Variants in MEGF10 observed in about 807,000 individuals in gnomAD.
MEGF10 encodes the protein multiple epidermal growth factor-like domains protein 10.
MEGF10 carries 86 observed loss-of-function variants against 147.5 expected under a neutral mutation model. That is an observed-to-expected ratio of 0.58 (90% confidence interval 0.49 to 0.70). The LOEUF (loss-of-function observed/expected upper bound fraction) is 0.70, where lower values mean the gene tolerates loss of function less well. Among genes scored for constraint, MEGF10 ranks in the 30% least tolerant of loss-of-function variants. The probability of loss-of-function intolerance (pLI) is 0.00; values close to 1 mark genes in which losing one functional copy is unlikely to be tolerated. For synonymous variants in MEGF10, 478 were observed against 525.5 expected (o/e 0.91, Z 1.24); for missense variants, 1,329 against 1,487.3 (o/e 0.89, Z 1.75).
intron 2 of MEGF10, among the ~76,000 whole-genome samples, chr5:127,338,091 A>G (rs1262167400): frequency 6.6e-6 from 1 of 152,102 alleles, no homozygotes; most frequent in Non-Finnish European, 1.5e-5. Context: ...AGCTTTTCAA[A>G]TGAGAAGGTT....
chr5:127,239,838 A>C, the MEGF10 span, among the ~76,000 whole-genome samples: 3 of 152,066 alleles, frequency 2.0e-5, no homozygotes, highest in Non-Finnish European at 2.9e-5. Flanking sequence ...ACTCTCAATA[A>C]ATGTTTGATG....
chr5:127,437,373 A>G (rs1477226422), intron 16 of MEGF10, among the ~76,000 whole-genome samples: 3 of 152,184 alleles, frequency 2.0e-5, no homozygotes, highest in Non-Finnish European at 4.4e-5. Context: ...TGCTCACTCG[A>G]GACCTCAAGT....
At chr5:127,391,087 TGCGCGCGCGCGC>T (rs139002719) in intron 5 of MEGF10, among the ~76,000 whole-genome samples, 2 of 131,904 alleles carry the variant, frequency 1.5e-5, no homozygotes, top group Non-Finnish European at 3.2e-5. Flanking sequence ...CATACACACA[TGCGCGCGCGCGC>T]GCGCACACAC....
chr5:127,437,983 G>GT (rs971117078), intron 16 of MEGF10, among the ~76,000 whole-genome samples: 3 of 152,136 alleles, frequency 2.0e-5, no homozygotes, highest in African/African-American at 7.2e-5. Context: ...TCCTCCTTAT[G>GT]TTTTTTCATA....
the MEGF10 span, among the ~76,000 whole-genome samples, chr5:127,250,695 C>T: frequency 6.6e-6 from 1 of 151,926 alleles, no homozygotes; most frequent in South Asian, 2.1e-4. Context: ...AAAAGAATAA[C>T]ATGACACATA....
intron 9 of MEGF10, 149 bp downstream of exon 9, chr5:127,410,750 G>C: frequency 1.4e-6 from 1 of 691,984 alleles, no homozygotes; most frequent in Non-Finnish European, 2.4e-6. Context: ...CCGAGTAAAA[G>C]GAAGACATTT....
intron 5 of MEGF10, among the ~76,000 whole-genome samples, chr5:127,391,522 A>G (rs558789888): frequency 3.3e-5 from 5 of 151,450 alleles, no homozygotes; most frequent in African/African-American, 4.9e-5. Context: ...GAGAGTCAAG[A>G]TCGCACCACT....
intron 1 of MEGF10, among the ~76,000 whole-genome samples, chr5:127,310,941 A>G (rs1760262208): frequency 6.6e-6 from 1 of 152,178 alleles, no homozygotes; most frequent in African/African-American, 2.4e-5. Flanking sequence ...TCAGGCTGGA[A>G]AGATTGCTGA....
At chr5:127,435,723 T>C (rs1203021230) in intron 16 of MEGF10, among the ~76,000 whole-genome samples, 2 of 152,144 alleles carry the variant, frequency 1.3e-5, no homozygotes, top group Non-Finnish European at 2.9e-5. Context: ...CCTAAATATG[T>C]AACATTTTCC....
At chr5:127,319,130 C>A (rs1055010314) in intron 1 of MEGF10, among the ~76,000 whole-genome samples, 1 of 147,740 alleles carries the variant, frequency 6.8e-6, no homozygotes, top group African/African-American at 2.5e-5. Flanking sequence ...GGCTGGAGTG[C>A]AGTGGTATGA....
chr5:127,410,277 A>G, intron 8 of MEGF10, 112 bp from the exon 9 acceptor site: 1 of 954,722 alleles, frequency 1.0e-6, no homozygotes, highest in South Asian at 1.5e-5. Flanking sequence ...AAATAATTGC[A>G]AGAGCAAAAA....
chr5:127,404,219 G>T (rs913396545), intron 8 of MEGF10, among the ~76,000 whole-genome samples: 1 of 151,688 alleles, frequency 6.6e-6, no homozygotes, highest in African/African-American at 2.4e-5. Flanking sequence ...ATGATCAATT[G>T]TGTTGAGCAC....
At chr5:127,438,327 T>G (rs923198212) in intron 16 of MEGF10, 112 bp from the exon 17 acceptor site, 15 of 1,214,482 alleles carry the variant, frequency 1.2e-5, no homozygotes, top group Non-Finnish European at 1.7e-5. Context: ...TTAGTCCTGA[T>G]GTACACTGCT....
the MEGF10 span, among the ~76,000 whole-genome samples, chr5:127,282,992 T>G: frequency 6.6e-6 from 1 of 152,192 alleles, no homozygotes; most frequent in African/African-American, 2.4e-5. Context: ...GATTTTTTTT[T>G]CCCCAGTCCT....
chr5:127,347,209 A>G (rs1055191114), intron 4 of MEGF10, among the ~76,000 whole-genome samples: 9 of 152,064 alleles, frequency 5.9e-5, no homozygotes, highest in South Asian at 2.1e-4. Context: ...TAGTTGTAAT[A>G]TATGTGTGTG....
intron 6 of MEGF10, 138 bp from the exon 7 acceptor site, chr5:127,398,538 G>A: frequency 2.0e-6 from 2 of 1,004,788 alleles, no homozygotes; most frequent in Non-Finnish European, 2.9e-6. Context: ...TATGATTAAT[G>A]TTCTTGATGT....
chr5:127,251,443 T>TA, the MEGF10 span, among the ~76,000 whole-genome samples: 3 of 152,044 alleles, frequency 2.0e-5, no homozygotes, highest in African/African-American at 7.2e-5. Flanking sequence ...TTGTGAAGAT[T>TA]AAATACATTA....
At chr5:127,278,692 C>G in the MEGF10 span, among the ~76,000 whole-genome samples, 1 of 152,152 alleles carries the variant, frequency 6.6e-6, no homozygotes, top group Non-Finnish European at 1.5e-5. Flanking sequence ...AAGCACACGA[C>G]CAGACATGAA....
rs769455673 is a variant in MEGF10 at position 127,434,769 on chromosome 5, C to T, written c.1923C>T (p.Ile641=). 1.2e-6 allele frequency: 2 copies of T among 1,613,802 alleles called. No homozygotes were observed. Among genetic ancestry groups the T allele is most frequent in the African/African-American group, 1.3e-5 (1 of 74,918 alleles). Residue 641 remains isoleucine (I), a synonymous_variant, in exon 15 of 25, where the codon ATC becomes ATT. Coordinates refer to ENST00000503335, the MANE Select transcript of MEGF10 (RefSeq NM_001256545.2). ...ACAGCAGCGGGCCCTGCCACCACAT[C>T]ACCGGCCTGTGTGACTGCTTGCCTG... The part of the protein sequence containing the change: ...CVHSSGPCHH[I]TGLCDCLPGF...
Sources: allele counts gnomAD v4.1 joint callset (sites outside exome capture counted in the v4.1 genomes callset), GRCh38; gene constraint gnomAD v4.1.1; transcripts MANE v1.5; gene names NCBI Gene and HGNC (gene_info 2026-07-23, HGNC 2026-07-21).